Variants in DHRS12 observed in about 807,000 individuals in gnomAD.
DHRS12 encodes dehydrogenase/reductase SDR family member 12.
Under a neutral mutation model 32.1 loss-of-function variants are expected in DHRS12, and 29 were observed. The ratio of observed to expected loss-of-function variants is 0.90; its 90% CI spans 0.67 to 1.23. DHRS12 has a LOEUF of 1.23. Ranked by LOEUF, DHRS12 falls within the 50% of genes most tolerant of loss-of-function variation. The pLI, the probability that DHRS12 is intolerant of heterozygous loss-of-function variation, is 0.00. For missense variants in DHRS12, 330 were observed against 337.2 expected, an observed-to-expected ratio of 0.98 and a Z score of 0.17; for synonymous variants, 150 against 135.9, an observed-to-expected ratio of 1.10 and a Z score of -0.72.
At chr13:51,755,081 C>T in the DHRS12 span, among the ~76,000 whole-genome samples, 1 of 152,174 alleles carries the variant, frequency 6.6e-6, no homozygotes, top group African/African-American at 2.4e-5. Context: ...GCACTCTGTG[C>T]TTCTCCCTCT....
the DHRS12 span, among the ~76,000 whole-genome samples, chr13:51,756,028 T>C: frequency 6.6e-6 from 1 of 151,264 alleles, no homozygotes; most frequent in Non-Finnish European, 1.5e-5. Flanking sequence ...CGCTTTAAGA[T>C]CACCTGGCCC....
chr13:51,773,655 TC>T (rs1954155038), intron 6 of DHRS12, among the ~76,000 whole-genome samples: 1 of 151,924 alleles, frequency 6.6e-6, no homozygotes, highest in Non-Finnish European at 1.5e-5. Context: ...GGGCAATGGA[TC>T]CCCCTGCTAG....
At chr13:51,800,638 G>C (rs1360965595) in intron 1 of DHRS12, among the ~76,000 whole-genome samples, 2 of 152,256 alleles carry the variant, frequency 1.3e-5, no homozygotes, top group African/African-American at 4.8e-5. Flanking sequence ...GTTTACAAAA[G>C]GGTAGCCAAC....
At chr13:51,773,614 C>T (rs893192733) in intron 6 of DHRS12, among the ~76,000 whole-genome samples, 11 of 152,118 alleles carry the variant, frequency 7.2e-5, no homozygotes, top group Non-Finnish European at 1.5e-5. Context: ...GGAGGGACCG[C>T]TCGCCGTCCT....
At chr13:51,773,206 C>T (rs1256484633) in intron 6 of DHRS12, among the ~76,000 whole-genome samples, 1 of 152,200 alleles carries the variant, frequency 6.6e-6, no homozygotes, top group African/African-American at 2.4e-5. Flanking sequence ...TTTGGAATAT[C>T]TGCATATACA....
At chr13:51,802,703 G>A (rs1000273157) in intron 1 of DHRS12, among the ~76,000 whole-genome samples, 1 of 152,182 alleles carries the variant, frequency 6.6e-6, no homozygotes, top group Non-Finnish European at 1.5e-5. Context: ...CTCTAACTCC[G>A]CGCTCTCACA....
intron 8 of DHRS12, chr13:51,768,673 G>C: frequency 8.8e-7 from 1 of 1,130,936 alleles, no homozygotes; most frequent in Non-Finnish European, 1.1e-6. Flanking sequence ...TTCCACCCGA[G>C]GTCAAGTGCT....
chr13:51,790,153 T>C (rs1955199966), intron 3 of DHRS12, 61 bp from the exon 4 acceptor site: 55 of 1,324,836 alleles, frequency 4.2e-5, no homozygotes, highest in Non-Finnish European at 5.4e-5. Context: ...CCTATTTCCA[T>C]CCCCACACCT....
At chr13:51,759,527 G>A in the DHRS12 span, among the ~76,000 whole-genome samples, 3 of 152,154 alleles carry the variant, frequency 2.0e-5, no homozygotes, top group Admixed American at 2.0e-4. Flanking sequence ...TTCTTCATGA[G>A]CTGCATCAAA....
intron 4 of DHRS12, 89 bp from the exon 5 acceptor site, chr13:51,777,210 GCACCCGC>G (rs1312171205): frequency 6.8e-7 from 1 of 1,472,056 alleles, no homozygotes. Context: ...CTGTCTGCCC[GCACCCGC>G]CCCCCACAAG....
chr13:51,758,172 G>T, the DHRS12 span: 1 of 1,532,138 alleles, frequency 6.5e-7, no homozygotes, highest in South Asian at 1.2e-5. Context: ...CCCCTCAGAA[G>T]CTTTCTTTGC....
intron 7 of DHRS12, chr13:51,771,147 G>T: frequency 1.3e-6 from 2 of 1,522,970 alleles, no homozygotes. Context: ...ACAGAGGCTT[G>T]AGGACAAATG....
downstream of DHRS12, chr13:51,767,513 C>G (rs1228796735): frequency 6.6e-6 from 1 of 152,098 alleles, no homozygotes; most frequent in African/African-American, 2.4e-5. Flanking sequence ...CCATGGACAC[C>G]AAGAATGTAT....
chr13:51,758,465 T>C, the DHRS12 span, among the ~76,000 whole-genome samples: 3 of 151,658 alleles, frequency 2.0e-5, no homozygotes, highest in Non-Finnish European at 4.4e-5. Flanking sequence ...GAGGGAGGAT[T>C]GCTTGAGTCC....
chr13:51,769,127 G>C (rs1455572412), intron 8 of DHRS12, 29 bp downstream of exon 8: 6 of 1,548,654 alleles, frequency 3.9e-6, no homozygotes, highest in African/African-American at 2.7e-5. Flanking sequence ...CCCTGTGTCA[G>C]CTGCCTTCAC....
chr13:51,766,774 T>G (rs1953763632), downstream of DHRS12: 1 of 152,258 alleles, frequency 6.6e-6, no homozygotes, highest in African/African-American at 2.4e-5. Flanking sequence ...CGGTTTAAAA[T>G]AAATCTCTGT....
At chr13:51,771,491 C>T (rs1410041658) in intron 7 of DHRS12, 1 of 1,614,140 alleles carries the variant, frequency 6.2e-7, no homozygotes, top group Admixed American at 1.7e-5. Context: ...CCTGCTCATT[C>T]CTGTCTGACG....
rs1953843095 is a variant in DHRS12, at chr13:51,768,288, G to A, written c.706C>T (p.Pro236Ser). The A allele has an allele frequency of 6.5e-7, 1 of 1,535,958 alleles. No homozygotes were observed. The highest frequency in any genetic ancestry group is 8.7e-7 in the Non-Finnish European group (1 of 1,146,902). ...PSGRFFQDRK[P>S]VSTHLPLATA... ...GCGAGAGGCAAGTGTGTAGAAACTG[G>A]CTTCCGATCTAAAAGTGAGAGGGAA... Residue 236 changes from proline to serine, a missense_variant, in exon 9 of 9, where the codon CCA becomes TCA. Pro to Ser is a moderately conservative substitution (Grantham distance 74). Coordinates refer to ENST00000444610, the MANE Select transcript of DHRS12 (RefSeq NM_001377533.1).
In DHRS12 at chr13:51,789,948, C is replaced by T. The variant is rs150152748; in HGVS notation, c.301+63G>A. ...AAAAAGTTGGTCAATTTTTTTTTAC[C>T]CTTCTATGGTACATTCTATGTTTAT... On this transcript the variant is annotated intron_variant, in intron 4 of 8. Coordinates refer to ENST00000444610, the MANE Select transcript of DHRS12 (RefSeq NM_001377533.1). 298 of 1,485,506 alleles carry T rather than the reference C, an allele frequency of 2.0e-4. 1 individual carries two copies. In the African/African-American group the frequency reaches 3.8e-3, roughly 19 times the overall value. The allele number at this position is 1,485,506 out of a possible 1,614,324, so 92.0% of individuals were successfully genotyped here.
Sources: gnomAD v4.1 joint callset for allele counts (sites outside exome capture counted in the v4.1 genomes callset) on GRCh38, gnomAD v4.1.1 for gene constraint, MANE v1.5 for transcripts, NCBI Gene and HGNC (gene_info 2026-07-23, HGNC 2026-07-21) for gene names.